Variants in PTPRN2 observed in about 807,000 individuals in gnomAD.
The protein encoded by PTPRN2 is receptor-type tyrosine-protein phosphatase N2.
A neutral mutation model predicts 118.8 loss-of-function variants in PTPRN2; 74 were observed. The ratio of observed to expected loss-of-function variants is 0.62; its 90% CI spans 0.52 to 0.76. The LOEUF (loss-of-function observed/expected upper bound fraction) is 0.76. Ranked by LOEUF, PTPRN2 falls within the 30% of genes least tolerant of loss-of-function variation. PTPRN2 has a pLI of 0.00. For missense variants in PTPRN2, 1,481 were observed against 1,394.4 expected, an observed-to-expected ratio of 1.06 and a Z score of -0.99; for synonymous variants, 641 against 608.0, an observed-to-expected ratio of 1.05 and a Z score of -0.80.
chr7:157,601,015 G>A (rs1801639058), intron 16 of PTPRN2, among the ~76,000 whole-genome samples: 1 of 152,180 alleles, frequency 6.6e-6, no homozygotes, highest in Non-Finnish European at 1.5e-5. Flanking sequence ...ACGTCACTGG[G>A]AGTTTCAGAG....
At chr7:158,505,217 A>C (rs1175686821) in intron 1 of PTPRN2, among the ~76,000 whole-genome samples, 4 of 152,224 alleles carry the variant, frequency 2.6e-5, no homozygotes, top group Admixed American at 2.6e-4. Context: ...AAAAATGCAT[A>C]AATGAAATAA....
intron 12 of PTPRN2, among the ~76,000 whole-genome samples, chr7:157,726,643 AATAG>A (rs1489325217): frequency 2.0e-5 from 3 of 152,264 alleles, no homozygotes; most frequent in Non-Finnish European, 4.4e-5. Context: ...AAAAGAAAAA[AATAG>A]ATAAATTGGG....
chr7:158,388,677 G>A (rs1217898901), intron 2 of PTPRN2, among the ~76,000 whole-genome samples: 1 of 152,114 alleles, frequency 6.6e-6, no homozygotes, highest in Non-Finnish European at 1.5e-5. Flanking sequence ...CTGGCCATTG[G>A]TGATTAACCC....
intron 1 of PTPRN2, among the ~76,000 whole-genome samples, chr7:158,530,387 G>A (rs1419853070): frequency 3.3e-5 from 5 of 152,294 alleles, no homozygotes; most frequent in Middle Eastern, 3.4e-3. Flanking sequence ...GGCAATTTGC[G>A]GAGGCTCTGC....
chr7:158,049,320 T>C (rs952928895), intron 11 of PTPRN2, among the ~76,000 whole-genome samples: 11 of 152,316 alleles, frequency 7.2e-5, no homozygotes, highest in Admixed American at 7.2e-4. Context: ...CACTCCCGAT[T>C]CTCTGTGCCG....
intron 6 of PTPRN2, among the ~76,000 whole-genome samples, chr7:158,156,015 C>A (rs1031684958): frequency 4.6e-5 from 7 of 152,168 alleles, no homozygotes; most frequent in Non-Finnish European, 7.3e-5. Flanking sequence ...AGCATGTTGT[C>A]TATTTTCACT....
intron 3 of PTPRN2, among the ~76,000 whole-genome samples, chr7:158,226,976 G>A (rs1206808928): frequency 3.3e-5 from 5 of 152,014 alleles, no homozygotes; most frequent in African/African-American, 9.7e-5. Flanking sequence ...AGATGCAAAG[G>A]TTTGGGGGTG....
At chr7:158,399,892 G>A (rs1158309533) in intron 2 of PTPRN2, among the ~76,000 whole-genome samples, 2 of 152,142 alleles carry the variant, frequency 1.3e-5, no homozygotes, top group African/African-American at 2.4e-5. Context: ...AAGGGGAGTG[G>A]GAAGCGGGAC....
intron 2 of PTPRN2, among the ~76,000 whole-genome samples, chr7:158,325,246 C>T (rs56113702): frequency 0.53 from 81,089 of 152,058 alleles, 21,961 homozygotes; most frequent in South Asian, 0.58. Flanking sequence ...GCCGTGAACA[C>T]GACCAGCTCC....
chr7:157,792,699 G>C lies in PTPRN2; in HGVS notation c.1788+105974C>G, dbSNP rs537723438. ...ACACTGCACGACAGACGTCTGCCCA[G>C]GCTGGGGCCGGGGGTCTCTGCTCCT... On this transcript the variant is annotated intron_variant, in intron 12 of 22. Transcript: ENST00000389418. Among the ~76,000 whole-genome samples, 8 of 152,366 alleles carry C rather than the reference G, an allele frequency of 5.3e-5. 1 individual carries two copies. The highest frequency in any genetic ancestry group is 5.2e-4 in the Admixed American group (8 of 15,310).
chr7:158,148,460 G>GTA (rs1820440676), intron 6 of PTPRN2, among the ~76,000 whole-genome samples: 2 of 123,700 alleles, frequency 1.6e-5, no homozygotes, highest in Non-Finnish European at 3.4e-5. Context: ...CATGCCACAC[G>GTA]TCTTTCCCCC....
At chr7:157,829,654 G>A (rs768953212) in intron 12 of PTPRN2, among the ~76,000 whole-genome samples, 14 of 152,258 alleles carry the variant, frequency 9.2e-5, no homozygotes, top group Non-Finnish European at 1.8e-4. Flanking sequence ...AGCCATCTCT[G>A]CAATGGAAGG....
chr7:158,170,698 G>A (rs1823460940), intron 5 of PTPRN2, among the ~76,000 whole-genome samples: 1 of 152,096 alleles, frequency 6.6e-6, no homozygotes, highest in Non-Finnish European at 1.5e-5. Context: ...TAACCAAGAG[G>A]GCCTGAGAGT....
chr7:157,541,151 C>T (rs1281179996), intron 22 of PTPRN2, among the ~76,000 whole-genome samples: 1 of 152,246 alleles, frequency 6.6e-6, no homozygotes, highest in Non-Finnish European at 1.5e-5. Flanking sequence ...TTCCTCCTCA[C>T]AGCCACCCGC....
intron 11 of PTPRN2, among the ~76,000 whole-genome samples, chr7:157,957,313 T>C (rs1019426903): frequency 1.3e-5 from 2 of 152,196 alleles, no homozygotes; most frequent in African/African-American, 4.8e-5. Context: ...ACACGTATTT[T>C]TGGCATCTAG....
At chr7:157,766,900 C>G (rs534312937) in intron 12 of PTPRN2, among the ~76,000 whole-genome samples, 49 of 152,198 alleles carry the variant, frequency 3.2e-4, no homozygotes, top group Admixed American at 1.1e-3. Context: ...GGGCTTATGT[C>G]TCTGTCTTCC....
intron 11 of PTPRN2, among the ~76,000 whole-genome samples, chr7:158,013,135 TTA>T (rs1345685303): frequency 6.6e-6 from 1 of 152,080 alleles, no homozygotes; most frequent in East Asian, 1.9e-4. Flanking sequence ...AGGAGAAAAG[TTA>T]ATGTTACCCC....
intron 11 of PTPRN2, among the ~76,000 whole-genome samples, chr7:157,938,547 C>G (rs868159284): frequency 2.0e-5 from 3 of 152,216 alleles, no homozygotes; most frequent in Admixed American, 1.3e-4. Flanking sequence ...TGCCTGTCTG[C>G]TCAGGGTCAC....
At chr7:158,310,652 C>T (rs1280959729) in intron 3 of PTPRN2, among the ~76,000 whole-genome samples, 1 of 151,902 alleles carries the variant, frequency 6.6e-6, no homozygotes, top group African/African-American at 2.4e-5. Flanking sequence ...GAGCGCAAAT[C>T]CCACGGAGGG....
Sources: allele counts gnomAD v4.1 joint callset (sites outside exome capture counted in the v4.1 genomes callset), GRCh38; gene constraint gnomAD v4.1.1; transcripts MANE v1.5; gene names NCBI Gene and HGNC (gene_info 2026-07-23, HGNC 2026-07-21).